Variants in CCDC112 observed in about 807,000 individuals in gnomAD.
CCDC112 encodes the protein coiled-coil domain containing 112.
Under a neutral mutation model 66.3 loss-of-function variants are expected in CCDC112, and 40 were observed. The observed-to-expected ratio is 0.60, with a 90% CI of 0.47 to 0.79. The LOEUF is 0.79. Ranked by LOEUF, CCDC112 falls within the 30% of genes least tolerant of loss-of-function variation. The pLI is 0.00. For missense variants in CCDC112, 659 were observed against 603.8 expected (o/e 1.09, Z -0.96); for synonymous variants, 214 against 197.2 (o/e 1.09, Z -0.71).
intron 1 of CCDC112, among the ~76,000 whole-genome samples, chr5:115,287,696 C>CTTTTTT (rs778702533): frequency 1.5e-4 from 13 of 84,702 alleles, no homozygotes; most frequent in Admixed American, 2.9e-4. Context: ...ATCCCCTTTC[C>CTTTTTT]TTTTTTTTTT....
intron 1 of CCDC112, among the ~76,000 whole-genome samples, chr5:115,295,197 A>T (rs1750097443): frequency 6.6e-6 from 1 of 152,172 alleles, no homozygotes; most frequent in African/African-American, 2.4e-5. Flanking sequence ...GATCTGATCC[A>T]ACCCCTGAGA....
At chr5:115,289,577 G>A (rs1417777242) in intron 1 of CCDC112, among the ~76,000 whole-genome samples, 3 of 152,128 alleles carry the variant, frequency 2.0e-5, no homozygotes, top group Middle Eastern at 3.2e-3. Context: ...TTCATGAATC[G>A]CAAATAAAAG....
Position 115,279,752 on chromosome 5 carries a change from T to C in CCDC112, c.256A>G (p.Lys86Glu). 6.6e-7 allele frequency: 1 copy of C among 1,506,644 alleles called. No individual in the cohort carries two copies. The highest frequency in any genetic ancestry group is 1.7e-5 in the Admixed American group (1 of 59,296). The allele number at this position is 1,506,644 out of a possible 1,614,324, so 93.3% of individuals were successfully genotyped here. Reference sequence around the variant, plus strand: ...TTGTAGAAATGACTGTGTTTATCTTTTTCCATGTTAATTACTCTTTAGGAA... The same window carrying C: ...TTGTAGAAATGACTGTGTTTATCTTCTTCCATGTTAATTACTCTTTAGGAA... ...KFKNQVINMEKDKHSHFYNQK... is the reference protein window; with the variant it reads ...KFKNQVINMEEDKHSHFYNQK... The change falls in exon 3 of 10, where the codon AAA becomes GAA. Residue 86 changes from lysine (K) to glutamate (E), a missense_variant. By Grantham distance (56) the Lys-to-Glu change is moderately conservative (BLOSUM62 1). Transcript: ENST00000379611.
chr5:115,281,664 T>C (rs1213026045), intron 2 of CCDC112, among the ~76,000 whole-genome samples: 1 of 152,164 alleles, frequency 6.6e-6, no homozygotes. Context: ...TTTTAGTTCA[T>C]CACAAACTCA....
intron 4 of CCDC112, 132 bp from the exon 5 acceptor site, chr5:115,276,201 C>A: frequency 1.6e-6 from 1 of 625,114 alleles, no homozygotes; most frequent in South Asian, 2.2e-5. Flanking sequence ...GAAAGTTGTG[C>A]TCAAAAGTGA....
rs78225479 is a variant in CCDC112 at position 115,279,377 on chromosome 5, C to T, written c.361+270G>A. Among the ~76,000 whole-genome samples the T allele has an allele frequency of 2.7e-5, 4 of 150,226 alleles. No homozygotes were observed. The East Asian group carries it at 7.9e-4, about 30-fold the overall frequency. ...TTGGTGGTGTGTCAACCAAAAAAAT[C>T]CCCCAAATCCTCTCTTTCTTGTTAT... On this transcript the variant is annotated intron_variant, in intron 3 of 9. Coordinates refer to ENST00000379611, the MANE Select transcript of CCDC112 (RefSeq NM_001040440.3).
At chr5:115,292,538 C>G (rs1749979474) in intron 1 of CCDC112, among the ~76,000 whole-genome samples, 2 of 152,182 alleles carry the variant, frequency 1.3e-5, no homozygotes, top group Non-Finnish European at 2.9e-5. Flanking sequence ...CATGTGTGAA[C>G]CATACTTTCT....
Position 115,290,593 on chromosome 5 carries a change from C to T in CCDC112, c.118-5685G>A, listed in dbSNP as rs139101634. The stretch of plus-strand genomic sequence containing the variant: ...AATTTGGGGATTATTGCCATCTTAA[C>T]AAAATGAAGTCTTCAAAATCATAAA... On this transcript the variant is annotated intron_variant, in intron 1 of 9. Transcript: ENST00000379611. Among the ~76,000 whole-genome samples the T allele has an allele frequency of 2.6e-3, 403 of 152,278 alleles. 1 individual carries two copies. Among genetic ancestry groups the T allele is most frequent in the African/African-American group, 8.3e-3 (347 of 41,562 alleles).
intron 1 of CCDC112, among the ~76,000 whole-genome samples, chr5:115,291,943 T>C (rs1749948771): frequency 6.6e-6 from 1 of 152,222 alleles, no homozygotes; most frequent in South Asian, 2.1e-4. Context: ...TCCATATTTA[T>C]TGGCAGGTTT....
Position 115,296,473 on chromosome 5 carries a change from C to G in CCDC112, c.71G>C (p.Gly24Ala). ...TAVAGAVAGA[G>A]AATGTGVGAT... Reference sequence around the variant, plus strand: ...TCCCACGCCGGTCCCGGTGGCCGCGCCCGCCCCTGCCACAGCCCCGGCTAC... The same window carrying G: ...TCCCACGCCGGTCCCGGTGGCCGCGGCCGCCCCTGCCACAGCCCCGGCTAC... The change falls in exon 1 of 10, where the codon GGC becomes GCC. Residue 24 changes from glycine (G) to alanine (A), a missense_variant. Physicochemically the swap from Gly to Ala is moderately conservative, Grantham distance 60 (BLOSUM62 0). Coordinates refer to ENST00000379611, the MANE Select transcript of CCDC112 (RefSeq NM_001040440.3). 6.4e-7 allele frequency: 1 copy of G among 1,564,634 alleles called. No individual in the cohort carries two copies. The highest frequency in any genetic ancestry group is 1.1e-5 in the South Asian group (1 of 87,090).
At chr5:115,270,407 C>G (rs2127049724) in intron 7 of CCDC112, among the ~76,000 whole-genome samples, 1 of 152,214 alleles carries the variant, frequency 6.6e-6, no homozygotes, top group South Asian at 2.1e-4. Context: ...TTAAAGTCCC[C>G]TTCCTTGTCT....
intron 6 of CCDC112, among the ~76,000 whole-genome samples, chr5:115,274,271 G>A (rs1049403296): frequency 3.3e-5 from 5 of 152,116 alleles, no homozygotes; most frequent in African/African-American, 1.2e-4. Context: ...ATAATGCACA[G>A]AACAGGCCCC....
chr5:115,285,381 G>C (rs966475733), intron 1 of CCDC112, among the ~76,000 whole-genome samples: 1 of 152,156 alleles, frequency 6.6e-6, no homozygotes, highest in African/African-American at 2.4e-5. Flanking sequence ...GGCTCAGATG[G>C]AGAAAGCGGA....
intron 3 of CCDC112, 92 bp downstream of exon 3, chr5:115,279,555 A>T: frequency 8.0e-7 from 1 of 1,248,592 alleles, no homozygotes; most frequent in African/African-American, 1.5e-5. Flanking sequence ...GATAGAGAAC[A>T]CAATACAGTC....
At position 115,275,563 on chromosome 5, in the gene CCDC112, A is replaced by T; in HGVS notation, c.571T>A (p.Leu191Met). 6.2e-7 allele frequency: 1 copy of T among 1,607,844 alleles called. No homozygotes were observed. Among genetic ancestry groups the T allele is most frequent in the African/African-American group, 1.3e-5 (1 of 74,704 alleles). The change falls in exon 6 of 10, where the codon TTG becomes ATG. Residue 191 changes from leucine (L) to methionine (M), a missense_variant. Leu to Met is a conservative substitution (Grantham distance 15). Coordinates refer to ENST00000379611, the MANE Select transcript of CCDC112 (RefSeq NM_001040440.3). ...IKEEKTTNNELSAISRKIDTW... is the reference protein window; with the variant it reads ...IKEEKTTNNEMSAISRKIDTW... ...TCAATTTTTCTTGATATGGCACTCA[A>T]CTCATTATTAGTTGTCTTCTCTTCT...
chr5:115,284,967 A>T (rs2127068008), intron 1 of CCDC112, 59 bp from the exon 2 acceptor site: 1 of 1,493,718 alleles, frequency 6.7e-7, no homozygotes, highest in Non-Finnish European at 9.2e-7. Context: ...TAAATGTGGA[A>T]TTTTTTCAGA....
chr5:115,295,944 G>A (rs1430528321), intron 1 of CCDC112: 2 of 985,750 alleles, frequency 2.0e-6, no homozygotes, highest in Non-Finnish European at 2.4e-6. Context: ...GTCCTAAGCC[G>A]ATCACTGGAA....
chr5:115,277,489 T>C (rs1749257861), intron 3 of CCDC112, among the ~76,000 whole-genome samples: 1 of 152,218 alleles, frequency 6.6e-6, no homozygotes, highest in South Asian at 2.1e-4. Context: ...ATTCTGTGAA[T>C]ACTGAGAAAC....
intron 7 of CCDC112, among the ~76,000 whole-genome samples, chr5:115,270,944 C>T (rs951517817): frequency 1.6e-4 from 24 of 152,244 alleles, no homozygotes; most frequent in Non-Finnish European, 1.9e-4. Flanking sequence ...GCTGTGGTAG[C>T]GTCCCTCCCT....
Sources: gnomAD v4.1 joint callset for allele counts (sites outside exome capture counted in the v4.1 genomes callset) on GRCh38, gnomAD v4.1.1 for gene constraint, MANE v1.5 for transcripts, NCBI Gene and HGNC (gene_info 2026-07-23, HGNC 2026-07-21) for gene names.